The following SND1 variants were observed in gnomAD, a reference collection of about 807,000 sequenced individuals.
SND1 encodes the protein staphylococcal nuclease and tudor domain containing 1, also known as staphylococcal nuclease domain-containing protein 1.
In SND1, 38 loss-of-function variants were observed where a neutral mutation model predicts 121.7. The ratio of observed to expected loss-of-function variants is 0.31; its 90% CI spans 0.24 to 0.41. The LOEUF (loss-of-function observed/expected upper bound fraction) is 0.41. Ranked by LOEUF, SND1 falls within the 10% of genes least tolerant of loss-of-function variation. The pLI, the probability that SND1 is intolerant of heterozygous loss-of-function variation, is 1.00. For missense variants in SND1, 868 were observed against 1,184.6 expected, an observed-to-expected ratio of 0.73 and a Z score of 3.92; for synonymous variants, 401 against 447.4, an observed-to-expected ratio of 0.90 and a Z score of 1.31.
intron 9 of SND1, among the ~76,000 whole-genome samples, chr7:127,709,783 C>T (rs542149444): frequency 6.6e-6 from 1 of 152,222 alleles, no homozygotes; most frequent in Admixed American, 6.5e-5. Flanking sequence ...AATAACCAAT[C>T]TTCTGTAGAA....
chr7:127,928,633 G>A (rs999502139), intron 14 of SND1, among the ~76,000 whole-genome samples: 1 of 151,350 alleles, frequency 6.6e-6, no homozygotes, highest in African/African-American at 2.4e-5. Flanking sequence ...TGTTGCCCAG[G>A]TTGGAGTGCA....
At chr7:127,839,612 T>A (rs1382142825) in intron 11 of SND1, among the ~76,000 whole-genome samples, 1 of 152,200 alleles carries the variant, frequency 6.6e-6, no homozygotes, top group Non-Finnish European at 1.5e-5. Context: ...TGTTCTATAC[T>A]AAACTATTCC....
At chr7:127,742,621 T>C (rs1796902804) in intron 10 of SND1, among the ~76,000 whole-genome samples, 1 of 152,154 alleles carries the variant, frequency 6.6e-6, no homozygotes, top group South Asian at 2.1e-4. Flanking sequence ...CCATGTACCT[T>C]TTCTTGTGTG....
intron 13 of SND1, among the ~76,000 whole-genome samples, chr7:127,891,024 T>C (rs1800000662): frequency 6.6e-6 from 1 of 152,106 alleles, no homozygotes; most frequent in Admixed American, 6.6e-5. Context: ...ATACTCAGCA[T>C]GAACTGTGAG....
chr7:127,844,394 G>A lies in SND1; in HGVS notation c.1313G>A (p.Arg438His), dbSNP rs1043693498. The A allele has an allele frequency of 3.7e-6, 6 of 1,613,496 alleles. No homozygotes were observed. Among genetic ancestry groups the A allele is most frequent in the South Asian group, 1.1e-5 (1 of 90,978 alleles). The change falls in exon 12 of 24, where the codon CGT becomes CAT. Residue 438 changes from arginine (R) to histidine (H), a missense_variant. Transcript: ENST00000354725. ...GAGACAGTGCCTGCCTTTTCAGAGC[G>A]TACCTGTGCCACTGTCACCATTGGA... ...ATETVPAFSE[R>H]TCATVTIGGI...
intron 10 of SND1, among the ~76,000 whole-genome samples, chr7:127,803,473 A>G (rs1463318206): frequency 2.0e-5 from 3 of 152,196 alleles, no homozygotes; most frequent in Non-Finnish European, 2.9e-5. Context: ...CTATTAAAAA[A>G]TTTTTATTTT....
At chr7:127,907,474 A>G (rs182563632) in intron 14 of SND1, among the ~76,000 whole-genome samples, 1 of 152,320 alleles carries the variant, frequency 6.6e-6, no homozygotes, top group East Asian at 1.9e-4. Context: ...TTGTTTTTTA[A>G]TCTTTAACTG....
At position 128,015,071 on chromosome 7, in the gene SND1, C is replaced by CT. The variant is rs1159519543; in HGVS notation, c.1779+24016dup. ...GTTTGCCTGGACAGGTCCAAGCTGT[C>CT]TGAGCCATCAGCAGCTGCACCTCCT... On this transcript the variant is annotated intron_variant, in intron 16 of 23. Coordinates refer to ENST00000354725, the MANE Select transcript of SND1 (RefSeq NM_014390.4). This position sits in a 1 kb window ranked among gnomAD's most constrained non-coding sequence, Gnocchi z 4.5. 4.6e-5 allele frequency among the ~76,000 whole-genome samples: 7 copies of CT among 152,244 alleles called. No individual in the cohort carries two copies. Among genetic ancestry groups the CT allele is most frequent in the African/African-American group, 1.4e-4 (6 of 41,468 alleles).
chr7:127,918,869 C>A (rs1285053438), intron 14 of SND1, among the ~76,000 whole-genome samples: 1 of 152,108 alleles, frequency 6.6e-6, no homozygotes, highest in Admixed American at 6.5e-5. Flanking sequence ...TCCTATAAAT[C>A]TTTATTGAGT....
At chr7:127,826,233 C>G (rs1049238901) in intron 11 of SND1, among the ~76,000 whole-genome samples, 8 of 152,110 alleles carry the variant, frequency 5.3e-5, no homozygotes, top group African/African-American at 1.9e-4. Flanking sequence ...AACATCTCCT[C>G]ACATCCTTAA....
At chr7:127,766,450 G>T (rs973999117) in intron 10 of SND1, among the ~76,000 whole-genome samples, 3 of 152,116 alleles carry the variant, frequency 2.0e-5, no homozygotes, top group Non-Finnish European at 4.4e-5. Flanking sequence ...CTTTTGTGTG[G>T]ACCCTTGTAC....
intron 14 of SND1, among the ~76,000 whole-genome samples, chr7:127,911,435 C>T (rs1366869067): frequency 6.6e-6 from 1 of 152,118 alleles, no homozygotes; most frequent in African/African-American, 2.4e-5. Context: ...GTCTCAAACT[C>T]CTGGGCTCAA....
intron 15 of SND1, among the ~76,000 whole-genome samples, chr7:127,989,511 C>G (rs1207544593): frequency 6.6e-6 from 1 of 152,172 alleles, no homozygotes; most frequent in African/African-American, 2.4e-5. Context: ...TACCTTCTAT[C>G]CTAGCAACAG....
intron 15 of SND1, among the ~76,000 whole-genome samples, chr7:127,975,363 A>G (rs958372648): frequency 6.7e-6 from 1 of 149,428 alleles, no homozygotes; most frequent in African/African-American, 2.5e-5. Flanking sequence ...GCGCGTGTGT[A>G]TGTGAGAGAT....
intron 10 of SND1, among the ~76,000 whole-genome samples, chr7:127,785,183 A>G (rs1384202034): frequency 6.6e-6 from 1 of 152,214 alleles, no homozygotes; most frequent in Non-Finnish European, 1.5e-5. Context: ...TGCTGGGATT[A>G]TAGGAGTAAG....
intron 1 of SND1, among the ~76,000 whole-genome samples, chr7:127,654,053 T>C (rs2402866): frequency 0.33 from 49,831 of 152,116 alleles, 9,079 homozygotes; most frequent in Admixed American, 0.42. Context: ...AGTGGATCTT[T>C]CTGAGATTTC....
intron 10 of SND1, among the ~76,000 whole-genome samples, chr7:127,798,662 G>A (rs979404335): frequency 2.0e-5 from 3 of 151,910 alleles, no homozygotes; most frequent in Admixed American, 1.3e-4. Flanking sequence ...CCCCCTCTTT[G>A]TTTTATTGCC....
chr7:127,987,981 A>G (rs1174622931), intron 15 of SND1, among the ~76,000 whole-genome samples: 1 of 152,212 alleles, frequency 6.6e-6, no homozygotes, highest in Non-Finnish European at 1.5e-5. Context: ...AGGAAACCTC[A>G]GGAAATGGTC....
At chr7:127,914,980 G>GT (rs1800542787) in intron 14 of SND1, among the ~76,000 whole-genome samples, 1 of 152,130 alleles carries the variant, frequency 6.6e-6, no homozygotes, top group Admixed American at 6.5e-5. Context: ...AACAGTTGAC[G>GT]TAAGAGCTCA....
Sources: allele counts gnomAD v4.1 joint callset (sites outside exome capture counted in the v4.1 genomes callset), GRCh38; gene constraint gnomAD v4.1.1; non-coding constraint Gnocchi (gnomAD v3.1); transcripts MANE v1.5; gene names NCBI Gene and HGNC (gene_info 2026-07-23, HGNC 2026-07-21).